PTPN3: variants seen among roughly 807,000 people sequenced by gnomAD.
PTPN3 encodes tyrosine-protein phosphatase non-receptor type 3.
Under a neutral mutation model 132.7 loss-of-function variants are expected in PTPN3, and 96 were observed. The ratio of observed to expected loss-of-function variants is 0.72; its 90% CI spans 0.61 to 0.86. The LOEUF is 0.86. Ranked by LOEUF, PTPN3 falls within the 40% of genes least tolerant of loss-of-function variation. The probability of loss-of-function intolerance (pLI) is 0.00; values close to 1 mark genes in which losing one functional copy is unlikely to be tolerated. For synonymous variants in PTPN3, 398 were observed against 429.0 expected (o/e 0.93, Z 0.89); for missense variants, 1,125 against 1,159.6 (o/e 0.97, Z 0.43).
chr9:109,500,135 T>TG (rs1331678526), upstream of PTPN3, among the ~76,000 whole-genome samples: 3 of 152,140 alleles, frequency 2.0e-5, no homozygotes, highest in African/African-American at 7.2e-5. Context: ...GGCACCCGAG[T>TG]GGAAGTTGAG....
chr9:109,444,159 GC>G (rs766136988), intron 7 of PTPN3, among the ~76,000 whole-genome samples: 26 of 152,184 alleles, frequency 1.7e-4, no homozygotes, highest in Non-Finnish European at 3.5e-4. Flanking sequence ...AGGGTAATAG[GC>G]CAAGATGGTT....
At chr9:109,410,526 C>T (rs943290634) in intron 14 of PTPN3, 111 bp from the exon 15 acceptor site, 1 of 1,210,132 alleles carries the variant, frequency 8.3e-7, no homozygotes, top group African/African-American at 1.5e-5. Context: ...TCCCTGGAAC[C>T]TCAGCTGCAT....
the PTPN3 span, among the ~76,000 whole-genome samples, chr9:109,515,724 G>A: frequency 6.6e-6 from 1 of 152,202 alleles, no homozygotes; most frequent in African/African-American, 2.4e-5. Context: ...CACACGGCAA[G>A]AGAGGGAGTA....
chr9:109,449,553 C>T (rs1845107368), intron 5 of PTPN3: 1 of 985,516 alleles, frequency 1.0e-6, no homozygotes, highest in Non-Finnish European at 1.2e-6. Flanking sequence ...GACTTTGCTC[C>T]TCTGCCTGGG....
intron 1 of PTPN3, among the ~76,000 whole-genome samples, chr9:109,494,736 GCACATA>G (rs1470395868): frequency 2.0e-5 from 3 of 152,032 alleles, no homozygotes; most frequent in Non-Finnish European, 4.4e-5. Flanking sequence ...GGATGGGGAC[GCACATA>G]CACATATACA....
chr9:109,383,558 G>A lies in PTPN3; in HGVS notation c.2254-7C>T. On this transcript the variant is annotated splice_polypyrimidine_tract_variant and splice_region_variant and intron_variant, in intron 22 of 25. Coordinates refer to ENST00000374541, the MANE Select transcript of PTPN3 (RefSeq NM_002829.4). ...AGTACTGGTGACATTTGGTCTGTAA[G>A]AAACCACCGAGAGTGAGTGAGCCCC... The A allele has an allele frequency of 6.2e-7, 1 of 1,613,226 alleles. No homozygotes were observed.
chr9:109,490,409 C>T (rs912084069), intron 1 of PTPN3, among the ~76,000 whole-genome samples: 3 of 152,116 alleles, frequency 2.0e-5, no homozygotes, highest in Admixed American at 6.5e-5. Context: ...ATGTGAGGGG[C>T]ATTCTACAAA....
At chr9:109,397,716 A>C (rs1840715038) in intron 19 of PTPN3, 1 of 152,210 alleles carries the variant, frequency 6.6e-6, no homozygotes, top group Non-Finnish European at 1.5e-5. Flanking sequence ...GCACAGTCCC[A>C]GATGCAGATT....
intron 5 of PTPN3, among the ~76,000 whole-genome samples, chr9:109,453,138 G>C (rs542809518): frequency 6.6e-6 from 1 of 152,324 alleles, no homozygotes; most frequent in South Asian, 2.1e-4. Context: ...CAAATTCCCA[G>C]TGTCTGCTAT....
chr9:109,380,975 TCTC>T (rs1202726281), intron 25 of PTPN3, among the ~76,000 whole-genome samples: 6 of 152,006 alleles, frequency 3.9e-5, no homozygotes, highest in Admixed American at 3.9e-4. Flanking sequence ...CTAATCCAGT[TCTC>T]CTACTAGATA....
intron 21 of PTPN3, 36 bp from the exon 22 acceptor site, chr9:109,389,415 C>T: frequency 6.3e-7 from 1 of 1,598,734 alleles, no homozygotes; most frequent in Non-Finnish European, 8.5e-7. Context: ...GAATCTGTTG[C>T]TGCCCCAGGG....
chr9:109,433,915 T>TA (rs1843839149), intron 9 of PTPN3, among the ~76,000 whole-genome samples: 2 of 81,528 alleles, frequency 2.5e-5, no homozygotes, highest in Admixed American at 2.2e-4. Flanking sequence ...GAGACTCTGT[T>TA]TAAAAAAAAA....
At chr9:109,417,832 T>C in intron 14 of PTPN3, 1 of 960,838 alleles carries the variant, frequency 1.0e-6, no homozygotes, top group African/African-American at 1.8e-5. Context: ...TTATTTGCTA[T>C]TCTTAACATT....
chr9:109,451,348 T>C (rs1001379759), intron 5 of PTPN3: 1 of 975,792 alleles, frequency 1.0e-6, no homozygotes, highest in Non-Finnish European at 1.2e-6. Context: ...CAGAAGGTCA[T>C]AGTTACATTC....
intron 1 of PTPN3, among the ~76,000 whole-genome samples, chr9:109,484,959 G>A (rs1847141713): frequency 6.6e-6 from 1 of 152,208 alleles, no homozygotes; most frequent in Admixed American, 6.5e-5. Flanking sequence ...GCCAGGTGCA[G>A]TGGCTCACAC....
chr9:109,380,616 T>G (rs1838987241), intron 25 of PTPN3, among the ~76,000 whole-genome samples: 1 of 152,192 alleles, frequency 6.6e-6, no homozygotes, highest in African/African-American at 2.4e-5. Context: ...CCACGAGGTC[T>G]TCCATACCAA....
intron 1 of PTPN3, among the ~76,000 whole-genome samples, chr9:109,463,907 G>A (rs1205966609): frequency 6.6e-6 from 1 of 152,196 alleles, no homozygotes; most frequent in Non-Finnish European, 1.5e-5. Context: ...AAAGGCAACC[G>A]ATAGAGTGGG....
chr9:109,391,284 T>A, intron 20 of PTPN3, 85 bp from the exon 21 acceptor site: 1 of 1,356,112 alleles, frequency 7.4e-7, no homozygotes, highest in Non-Finnish European at 1.0e-6. Context: ...CCCAGCCCCA[T>A]CTGCAGCTCT....
At chr9:109,461,320 C>T (rs1326812712) in intron 2 of PTPN3, among the ~76,000 whole-genome samples, 1 of 152,086 alleles carries the variant, frequency 6.6e-6, no homozygotes, top group Non-Finnish European at 1.5e-5. Flanking sequence ...TTCAAAACAC[C>T]CAGGCAGGAC....
Sources: allele counts gnomAD v4.1 joint callset (sites outside exome capture counted in the v4.1 genomes callset), GRCh38; gene constraint gnomAD v4.1.1; transcripts MANE v1.5; gene names NCBI Gene and HGNC (gene_info 2026-07-23, HGNC 2026-07-21).